Variants in CALR3 observed in about 807,000 individuals in gnomAD.
CALR3 encodes the protein calreticulin 3, also known as calreticulin-3.
Under a neutral mutation model 48.7 loss-of-function variants are expected in CALR3, and 39 were observed. That is an observed-to-expected ratio of 0.80 (90% CI 0.62 to 1.05). The LOEUF is 1.05. Among genes scored for constraint, CALR3 ranks in the 50% least tolerant of loss-of-function variants. CALR3 has a pLI of 0.00. For missense variants in CALR3, 449 were observed against 474.7 expected (o/e 0.95, Z 0.50); for synonymous variants, 185 against 172.7 (o/e 1.07, Z -0.56).
In CALR3 at chr19:16,485,254, G is replaced by A. The variant is rs1420584636; in HGVS notation, c.401C>T (p.Pro134Leu). 1 of 1,597,024 alleles carries A rather than the reference G, an allele frequency of 6.3e-7. No individual in the cohort carries two copies. The highest frequency in any genetic ancestry group is 1.7e-5 in the Admixed American group (1 of 59,848). ...CTTGATATCAAATCCACAAATATCG[G>A]GTCCTACAAAAAAGATTAGCTGCTC... Reference protein sequence around the residue: ...GKSQYYIMFGPDICGFDIKKV... With the variant: ...GKSQYYIMFGLDICGFDIKKV... Residue 134 changes from proline (P) to leucine (L), a missense_variant, in exon 4 of 9, where the codon CCC becomes CTC. Pro to Leu is a moderately conservative substitution (Grantham distance 98, BLOSUM62 -3). Transcript: ENST00000269881.
intron 2 of CALR3, among the ~76,000 whole-genome samples, chr19:16,493,089 A>T (rs1792287717): frequency 6.6e-6 from 1 of 152,182 alleles, no homozygotes; most frequent in Non-Finnish European, 1.5e-5. Flanking sequence ...TGAGTCATGC[A>T]GCATGCAGGT....
At position 16,484,013 on chromosome 19, in the gene CALR3, C is replaced by G. The variant is rs1294312560; in HGVS notation, c.595G>C (p.Asp199His). The G allele has an allele frequency of 1.2e-6, 2 of 1,614,064 alleles. No individual in the cohort carries two copies. The change falls in exon 5 of 9, where the codon GAC becomes CAC. Residue 199 changes from aspartate to histidine, a missense_variant. Physicochemically the swap from Asp to His is moderately conservative, Grantham distance 81. Transcript: ENST00000269881. ...QSIESGSIEY[D>H]WNLTSLKKET... ...TTCTTGAGTGATGTTAAGTTCCAGT[C>G]GTACTCTATGCTGCCGGATTCAATT...
At position 16,482,746 on chromosome 19, in the gene CALR3, G is replaced by C; in HGVS notation, c.718C>G (p.Gln240Glu). 6.2e-7 allele frequency: 1 copy of C among 1,613,766 alleles called. No homozygotes were observed. The highest frequency in any genetic ancestry group is 8.5e-7 in the Non-Finnish European group (1 of 1,179,930). ...TCCAGGTCACCGTTCCAGTCGCTCT[G>C]CTTGCTGGTGCTGGCGTCCAGAAAA... is the stretch of plus-strand genomic sequence containing the variant. ...KHFLDASTSK[Q>E]SDWNGDLDGD... is the part of the protein sequence containing the mutation. Residue 240 changes from glutamine (Q) to glutamate (E), a missense_variant, in exon 6 of 9, where the codon CAG becomes GAG. Coordinates refer to ENST00000269881, the MANE Select transcript of CALR3 (RefSeq NM_145046.5).
intron 2 of CALR3, among the ~76,000 whole-genome samples, chr19:16,491,726 G>T (rs1053287020): frequency 3.3e-5 from 5 of 150,600 alleles, no homozygotes; most frequent in African/African-American, 1.2e-4. Flanking sequence ...GCAGTGAGCC[G>T]AGATTGCACC....
intron 4 of CALR3, among the ~76,000 whole-genome samples, chr19:16,484,363 G>A (rs2093385752): frequency 6.6e-6 from 1 of 151,718 alleles, no homozygotes; most frequent in African/African-American, 2.4e-5. Flanking sequence ...GTCTAGTAGA[G>A]ACAGAGTTTC....
chr19:16,485,569 C>T lies in CALR3; in HGVS notation c.398-312G>A, dbSNP rs190126733. On this transcript the variant is annotated intron_variant, in intron 3 of 8. Transcript: ENST00000269881. The stretch of plus-strand genomic sequence containing the variant: ...TCCTGACCTTGTGATCCACCTGCCT[C>T]GGCCTCCCAAAGTCCTAGGATTACA... 5.9e-5 allele frequency among the ~76,000 whole-genome samples: 9 copies of T among 152,118 alleles called. No homozygotes were observed. The East Asian group carries it at 7.7e-4, about 13-fold the overall frequency.
At position 16,485,274 on chromosome 19, in the gene CALR3, C is replaced by G. The variant is rs779762872; in HGVS notation, c.398-17G>C. The G allele has an allele frequency of 3.5e-5, 53 of 1,517,984 alleles. No homozygotes were observed. The South Asian group carries it at 4.8e-4, about 14-fold the overall frequency. 94.0% of individuals were successfully genotyped at this position (1,517,984 alleles called of 1,614,324 possible). Reference sequence around the variant, plus strand: ...TATCGGGTCCTACAAAAAAGATTAGCTGCTCTCAATTTCTTTCCATAATGC... The same window carrying G: ...TATCGGGTCCTACAAAAAAGATTAGGTGCTCTCAATTTCTTTCCATAATGC... On this transcript the variant is annotated splice_polypyrimidine_tract_variant and intron_variant, in intron 3 of 8. Coordinates refer to ENST00000269881, the MANE Select transcript of CALR3 (RefSeq NM_145046.5).
At chr19:16,491,364 C>T (rs1019326153) in intron 2 of CALR3, among the ~76,000 whole-genome samples, 5 of 147,064 alleles carry the variant, frequency 3.4e-5, no homozygotes, top group African/African-American at 1.0e-4. Flanking sequence ...CCTCATGATC[C>T]GCCTGCCTCG....
intron 3 of CALR3, among the ~76,000 whole-genome samples, chr19:16,486,619 C>CAAA (rs59111886): frequency 2.4e-5 from 3 of 123,714 alleles, no homozygotes; most frequent in Admixed American, 8.5e-5. Flanking sequence ...GATTCTATCT[C>CAAA]AAAAAAAAAA....
At chr19:16,496,001 A>G (rs2093407703) in intron 1 of CALR3, 38 bp downstream of exon 1, 2 of 1,568,396 alleles carry the variant, frequency 1.3e-6, no homozygotes, top group Non-Finnish European at 1.7e-6. Flanking sequence ...GAGATGGGGG[A>G]GCTTACACCT....
chr19:16,489,745 A>T (rs978020748), intron 3 of CALR3, among the ~76,000 whole-genome samples: 3 of 152,004 alleles, frequency 2.0e-5, no homozygotes. Context: ...GGAGGCGGAG[A>T]TTGCAGTGAG....
chr19:16,479,933 G>A (rs889856506), intron 8 of CALR3, among the ~76,000 whole-genome samples: 1 of 151,962 alleles, frequency 6.6e-6, no homozygotes, highest in Non-Finnish European at 1.5e-5. Context: ...GGCTGGGCGC[G>A]GTGGCTCACA....
chr19:16,482,599 TATGGGGTG>T lies in CALR3; in HGVS notation c.787-26_787-19del, dbSNP rs781374202. On this transcript the variant is annotated intron_variant, in intron 6 of 8. Transcript: ENST00000269881. Reference sequence around the variant, plus strand: ...AGGCCATCCTGTATCAAAAAAACCATATGGGGTGGTCTCAATGACATGGGCAGCGGAGG... The same window carrying T: ...AGGCCATCCTGTATCAAAAAAACCATGTCTCAATGACATGGGCAGCGGAGG... The T allele has an allele frequency of 1.9e-6, 3 of 1,613,916 alleles. No homozygotes were observed. Among genetic ancestry groups the T allele is most frequent in the Non-Finnish European group, 2.5e-6 (3 of 1,180,008 alleles).
chr19:16,480,270 G>A (rs1005371206), intron 8 of CALR3, among the ~76,000 whole-genome samples: 3 of 151,666 alleles, frequency 2.0e-5, no homozygotes, highest in Non-Finnish European at 4.4e-5. Context: ...CCTTACATGG[G>A]GCCAGGCACA....
At chr19:16,487,000 CTTTA>C (rs879418367) in intron 3 of CALR3, among the ~76,000 whole-genome samples, 34 of 152,004 alleles carry the variant, frequency 2.2e-4, no homozygotes, top group South Asian at 4.1e-4. Context: ...ATATAGGGGT[CTTTA>C]TTTATTTATT....
At chr19:16,487,481 C>CA (rs59647657) in intron 3 of CALR3, among the ~76,000 whole-genome samples, 67,568 of 102,696 alleles carry the variant, frequency 0.66, 21,212 homozygotes, top group Middle Eastern at 0.74. Context: ...TGTGTCTCCA[C>CA]AAAAAAAAAA....
chr19:16,484,089 A>T lies in CALR3; in HGVS notation c.519T>A (p.Thr173=). Residue 173 remains threonine, a synonymous_variant, in exon 5 of 9, where the codon ACT becomes ACA. Coordinates refer to ENST00000269881, the MANE Select transcript of CALR3 (RefSeq NM_145046.5). ...CKVDGFTHLY[T]LILRPDLSYD... ...AAGAAAGATCTGGTCTTAAAATTAG[A>T]GTGTACAGGTGTGTGAAGCCATCAA... The T allele has an allele frequency of 6.2e-7, 1 of 1,613,570 alleles. No homozygotes were observed. The highest frequency in any genetic ancestry group is 1.7e-5 in the Admixed American group (1 of 59,934).
intron 3 of CALR3, among the ~76,000 whole-genome samples, chr19:16,487,690 T>C (rs2093391307): frequency 6.6e-6 from 1 of 151,996 alleles, no homozygotes. Flanking sequence ...CAGGCTGGAG[T>C]GCAATGGTGC....
rs538441502 is a variant in CALR3, at chr19:16,480,187, C to A, written c.1011+427G>T. Among the ~76,000 whole-genome samples, 9 of 114,830 alleles carry A rather than the reference C, an allele frequency of 7.8e-5. No homozygotes were observed. The East Asian group carries it at 2.4e-3, about 30-fold the overall frequency. The allele number at this position is 114,830 out of a possible 152,430, so 75.3% of individuals were successfully genotyped here. On this transcript the variant is annotated intron_variant, in intron 8 of 8. Coordinates refer to ENST00000269881, the MANE Select transcript of CALR3 (RefSeq NM_145046.5). ...ACTGTACTTCAGCCTGGCGACAGAG[C>A]GAGACTCCGTCTCAAAAAAAAAAAA...
Sources: gnomAD v4.1 joint callset for allele counts (sites outside exome capture counted in the v4.1 genomes callset) on GRCh38, gnomAD v4.1.1 for gene constraint, MANE v1.5 for transcripts, NCBI Gene and HGNC (gene_info 2026-07-23, HGNC 2026-07-21) for gene names.